The following HGF variants were observed in gnomAD, a reference collection of about 807,000 sequenced individuals.
HGF encodes fibroblast-derived tumor cytotoxic factor.
HGF carries 39 observed loss-of-function variants against 111.6 expected under a neutral mutation model. The ratio of observed to expected loss-of-function variants is 0.35; its 90% CI spans 0.27 to 0.46. The LOEUF (loss-of-function observed/expected upper bound fraction) is 0.46. Ranked by LOEUF, HGF falls within the 20% of genes least tolerant of loss-of-function variation. HGF has a pLI of 1.00. For synonymous variants in HGF, 285 were observed against 294.8 expected (o/e 0.97, Z 0.34); for missense variants, 735 against 910.5 (o/e 0.81, Z 2.48).
At chr7:81,736,057 C>T (rs944827682) in intron 7 of HGF, among the ~76,000 whole-genome samples, 2 of 152,046 alleles carry the variant, frequency 1.3e-5, no homozygotes, top group Admixed American at 6.6e-5. Context: ...ACACAATTCA[C>T]TCCAGAGCAA....
At chr7:81,758,855 T>C in intron 2 of HGF, 51 bp from the exon 3 acceptor site, 1 of 1,192,154 alleles carries the variant, frequency 8.4e-7, no homozygotes, top group Non-Finnish European at 1.2e-6. Flanking sequence ...TTATACAGTA[T>C]TTAAAGAATG....
intron 11 of HGF, among the ~76,000 whole-genome samples, chr7:81,714,258 T>C (rs962449295): frequency 6.6e-6 from 1 of 152,094 alleles, no homozygotes; most frequent in Non-Finnish European, 1.5e-5. Context: ...CTATGAACTA[T>C]TTAAAATTAA....
At chr7:81,751,481 GA>G (rs1788494146) in intron 5 of HGF, 2 of 901,810 alleles carry the variant, frequency 2.2e-6, no homozygotes, top group Middle Eastern at 5.8e-4. Flanking sequence ...TGAAAACATA[GA>G]CATGGACTTA....
At chr7:81,757,718 T>C (rs1366752602) in intron 3 of HGF, among the ~76,000 whole-genome samples, 4 of 152,130 alleles carry the variant, frequency 2.6e-5, no homozygotes, top group South Asian at 2.1e-4. Context: ...TTAGTAAAAT[T>C]GTGTGGATTT....
At chr7:81,749,306 A>T (rs2116086570) in intron 5 of HGF, among the ~76,000 whole-genome samples, 1 of 152,266 alleles carries the variant, frequency 6.6e-6, no homozygotes, top group Non-Finnish European at 1.5e-5. Context: ...ATTAGAAATG[A>T]CATCTGTTCC....
At chr7:81,742,798 G>A (rs117646126) in intron 7 of HGF, 1 of 1,546,276 alleles carries the variant, frequency 6.5e-7, no homozygotes, top group Non-Finnish European at 8.7e-7. Flanking sequence ...ACAGAATGCA[G>A]GCTGGGTACA....
chr7:81,762,857 CT>C lies in HGF; in HGVS notation c.103del (p.Arg35GlufsTer16). 1 of 1,555,358 alleles carries C rather than the reference CT, an allele frequency of 6.4e-7. No homozygotes were observed. Among genetic ancestry groups the C allele is most frequent in the Non-Finnish European group, 8.9e-7 (1 of 1,127,534 alleles). ...AIPYAEGQRK[R>X]RNTIHEFKKS... Reference sequence around the variant, plus strand: ...TTTGAATTCATGAATTGTATTTCTTCTTTTCCTTTGTCCCTCTATTAAATAC... The same window carrying C: ...TTTGAATTCATGAATTGTATTTCTTCTTTCCTTTGTCCCTCTATTAAATAC... On this transcript the variant is annotated frameshift_variant, in exon 2 of 18. Transcript: ENST00000222390. LOFTEE classifies it high-confidence loss of function.
At chr7:81,738,750 T>C (rs1053861467) in intron 7 of HGF, among the ~76,000 whole-genome samples, 6 of 152,178 alleles carry the variant, frequency 3.9e-5, no homozygotes, top group African/African-American at 1.2e-4. Context: ...TTTTCTTTAC[T>C]GGTTTGTGTT....
intron 5 of HGF, among the ~76,000 whole-genome samples, chr7:81,749,958 C>A (rs1209402440): frequency 6.6e-6 from 1 of 151,864 alleles, no homozygotes; most frequent in Non-Finnish European, 1.5e-5. Context: ...TTTAAATATG[C>A]AAAATGACTT....
rs2116183643 is a variant in HGF, at chr7:81,757,302, G to A, written c.369C>T (p.Asp123=). ...TACCAATGATGCAGTTTCTAATGTAGTCTATTGAAGAAAGTAGATAAAATT... is the reference window on the plus strand; with the variant it reads ...TACCAATGATGCAGTTTCTAATGTAATCTATTGAAGAAAGTAGATAAAATT... The part of the protein sequence containing the change: ...GHEFDLYENK[D]YIRNCIIGKG... Residue 123 remains aspartate, a splice_region_variant and synonymous_variant, in exon 4 of 18, where the codon GAC becomes GAT. Transcript: ENST00000222390. 6.7e-7 allele frequency: 1 copy of A among 1,482,602 alleles called. No individual in the cohort carries two copies. The highest frequency in any genetic ancestry group is 2.3e-5 in the East Asian group (1 of 44,258). The allele number at this position is 1,482,602 out of a possible 1,614,324, so 91.8% of individuals were successfully genotyped here. A position where few individuals can be genotyped will look rare whatever the true frequency, so the allele number is the denominator to read the frequency against.
intron 7 of HGF, 70 bp from the exon 8 acceptor site, chr7:81,729,849 G>A: frequency 2.1e-6 from 3 of 1,435,864 alleles, no homozygotes; most frequent in African/African-American, 1.4e-5. Flanking sequence ...GCCTCTTAGA[G>A]TTCATTGGCA....
intron 2 of HGF, among the ~76,000 whole-genome samples, chr7:81,761,096 C>T (rs1789051149): frequency 2.0e-5 from 3 of 152,128 alleles, no homozygotes; most frequent in Admixed American, 2.0e-4. Context: ...TTTCCCTGCC[C>T]TTCCAGCCCT....
intron 2 of HGF, among the ~76,000 whole-genome samples, 172 bp from the exon 3 acceptor site, chr7:81,758,976 C>A (rs956504251): frequency 6.6e-6 from 1 of 151,886 alleles, no homozygotes; most frequent in African/African-American, 2.4e-5. Context: ...TTTTGATAGC[C>A]AAACAAGAAA....
At chr7:81,707,454 A>T (rs1022137498) in intron 13 of HGF, 90 bp from the exon 14 acceptor site, 58 of 769,424 alleles carry the variant, frequency 7.5e-5, no homozygotes, top group Non-Finnish European at 1.3e-4. Flanking sequence ...ATTTGTTAAA[A>T]ATAAATACAC....
At chr7:81,741,530 G>C (rs1407916415) in intron 7 of HGF, among the ~76,000 whole-genome samples, 1 of 151,980 alleles carries the variant, frequency 6.6e-6, no homozygotes, top group Non-Finnish European at 1.5e-5. Flanking sequence ...TTCTTGGTGT[G>C]TGCATGCCAG....
At chr7:81,746,851 C>T (rs1319085540) in intron 5 of HGF, among the ~76,000 whole-genome samples, 2 of 152,124 alleles carry the variant, frequency 1.3e-5, no homozygotes, top group African/African-American at 4.8e-5. Flanking sequence ...GACCACTTTC[C>T]ATTATGAGTG....
chr7:81,727,460 C>T (rs531425450), intron 8 of HGF, among the ~76,000 whole-genome samples: 2 of 152,018 alleles, frequency 1.3e-5, no homozygotes, highest in Admixed American at 6.6e-5. Context: ...ATGAGAACAT[C>T]GGCCACCAAT....
At chr7:81,717,115 T>C (rs1465196656) in intron 11 of HGF, 117 bp downstream of exon 11, 1 of 952,192 alleles carries the variant, frequency 1.1e-6, no homozygotes, top group Non-Finnish European at 1.7e-6. Context: ...TGTTGCTCTC[T>C]GGAGAGCTTC....
chr7:81,735,087 C>G (rs533546916), intron 7 of HGF, among the ~76,000 whole-genome samples: 3 of 152,184 alleles, frequency 2.0e-5, no homozygotes, highest in Admixed American at 6.6e-5. Context: ...ATCAACAATA[C>G]TTGTGCTCTG....
Sources: allele counts gnomAD v4.1 joint callset (sites outside exome capture counted in the v4.1 genomes callset), GRCh38; gene constraint gnomAD v4.1.1; transcripts MANE v1.5; gene names NCBI Gene and HGNC (gene_info 2026-07-23, HGNC 2026-07-21).